ERCC8: variants seen among roughly 807,000 people sequenced by gnomAD.
ERCC8 encodes the protein DNA excision repair protein ERCC-8.
Under a neutral mutation model 54.9 loss-of-function variants are expected in ERCC8, and 52 were observed. The ratio of observed to expected loss-of-function variants is 0.95; its 90% CI spans 0.76 to 1.19. The LOEUF (loss-of-function observed/expected upper bound fraction) is 1.19. Ranked by LOEUF, ERCC8 falls within the 50% of genes most tolerant of loss-of-function variation. The pLI is 0.00. For synonymous variants in ERCC8, 146 were observed against 157.2 expected, an observed-to-expected ratio of 0.93 and a Z score of 0.53; for missense variants, 514 against 466.1, an observed-to-expected ratio of 1.10 and a Z score of -0.95.
chr5:60,882,735 C>T (rs779014777), intron 11 of ERCC8, among the ~76,000 whole-genome samples: 9 of 152,060 alleles, frequency 5.9e-5, no homozygotes, highest in Non-Finnish European at 8.8e-5. Flanking sequence ...TTTCTAGCCA[C>T]GGTACACTTA....
At position 60,928,957 on chromosome 5, in the gene ERCC8, ACT is replaced by A. The variant is rs2112532350; in HGVS notation, c.78_79del (p.Arg26SerfsTer8). On this transcript the variant is annotated frameshift_variant and splice_region_variant, in exon 2 of 12. Coordinates refer to ENST00000676185, the MANE Select transcript of ERCC8 (RefSeq NM_000082.4). LOFTEE classifies it high-confidence loss of function. ...GTCTTTATTTAATTCCAGTCCCAAA[ACT>A]CTTAAAAATAAAAGGGGGAGAAAGA... The A allele has an allele frequency of 6.3e-7, 1 of 1,576,214 alleles. No individual in the cohort carries two copies. The highest frequency in any genetic ancestry group is 1.1e-5 in the South Asian group (1 of 89,382).
chr5:60,940,186 C>T (rs1750215992), intron 1 of ERCC8, among the ~76,000 whole-genome samples: 1 of 152,054 alleles, frequency 6.6e-6, no homozygotes, highest in South Asian at 2.1e-4. Context: ...TACTTCAGTT[C>T]TGGGTAATAC....
chr5:60,871,432 A>G lies in ERCC8; in HGVS notation c.*3183T>C, dbSNP rs1747860811. On this transcript the variant is annotated 3_prime_UTR_variant, in exon 12 of 12. Transcript: ENST00000676185. ...CTGCATAGATATATATAGGATTGCA[A>G]TATGAAAGAACACAGTCTAGGTTAA... 6.6e-6 allele frequency among the ~76,000 whole-genome samples: 1 copy of G among 152,224 alleles called. No individual in the cohort carries two copies. Among genetic ancestry groups the G allele is most frequent in the Admixed American group, 6.5e-5 (1 of 15,284 alleles).
In ERCC8 at chr5:60,894,579, T is replaced by C. The variant is rs546239944; in HGVS notation, c.844-3493A>G. 1.2e-3 allele frequency among the ~76,000 whole-genome samples: 180 copies of C among 151,654 alleles called. 1 individual carries two copies. Among genetic ancestry groups the C allele is most frequent in the African/African-American group, 4.2e-3 (172 of 41,022 alleles). On this transcript the variant is annotated intron_variant, in intron 9 of 11. Transcript: ENST00000676185. Reference sequence around the variant, plus strand: ...AAATTCTTTGCTTGTACTCCAAAGGTGTAGTGTGCAGGCTCAGCAGTGTGA... The same window carrying C: ...AAATTCTTTGCTTGTACTCCAAAGGCGTAGTGTGCAGGCTCAGCAGTGTGA...
chr5:60,884,136 T>C (rs760189458), intron 11 of ERCC8, among the ~76,000 whole-genome samples: 13 of 152,150 alleles, frequency 8.5e-5, no homozygotes, highest in Admixed American at 2.6e-4. Context: ...AGATCATAAG[T>C]AGAATAAATG....
chr5:60,941,653 C>T (rs191137111), intron 1 of ERCC8, among the ~76,000 whole-genome samples: 3 of 152,188 alleles, frequency 2.0e-5, no homozygotes, highest in East Asian at 1.9e-4. Context: ...AAACTAAAGA[C>T]GAAGTCTTCA....
intron 1 of ERCC8, among the ~76,000 whole-genome samples, chr5:60,938,503 G>A (rs897725402): frequency 2.0e-5 from 3 of 152,034 alleles, no homozygotes; most frequent in South Asian, 2.1e-4. Context: ...ACAGGCGTGT[G>A]CCACCACACC....
At chr5:60,898,204 TA>T in intron 9 of ERCC8, 71 bp downstream of exon 9, 1 of 1,484,204 alleles carries the variant, frequency 6.7e-7, no homozygotes, top group Admixed American at 1.7e-5. Flanking sequence ...GTTAAATATA[TA>T]AAAAAATCAA....
rs528616659 is a variant in ERCC8, at chr5:60,885,078, T to C, written c.1122+2362A>G. 5.9e-5 allele frequency among the ~76,000 whole-genome samples: 9 copies of C among 152,156 alleles called. No homozygotes were observed. In the South Asian group the frequency reaches 6.2e-4, roughly 11 times the overall value. On this transcript the variant is annotated intron_variant, in intron 11 of 11. Transcript: ENST00000676185. Reference sequence around the variant, plus strand: ...CCCAGGCTGGAGTATAGTGGTGCAATTGTGGCTCACTGTAGCCTTGAACTC... The same window carrying C: ...CCCAGGCTGGAGTATAGTGGTGCAACTGTGGCTCACTGTAGCCTTGAACTC...
chr5:60,873,842 CAT>C lies in ERCC8; in HGVS notation c.*771_*772del, dbSNP rs1326434621. On this transcript the variant is annotated 3_prime_UTR_variant, in exon 12 of 12. Transcript: ENST00000676185. ...GGGTTGACACAGACGGAGACAATAA[CAT>C]AGAAATTTTATTACAGCATTTCATG... is the stretch of plus-strand genomic sequence containing the variant. 3 of 152,096 alleles carry C rather than the reference CAT, an allele frequency of 2.0e-5. No homozygotes were observed. Among genetic ancestry groups the C allele is most frequent in the East Asian group, 1.9e-4 (1 of 5,196 alleles). 9.4% of individuals were successfully genotyped at this position (152,096 alleles called of 1,614,324 possible).
intron 11 of ERCC8, among the ~76,000 whole-genome samples, chr5:60,878,617 G>A (rs184027537): frequency 8.1e-4 from 123 of 152,244 alleles, no homozygotes; most frequent in Admixed American, 1.4e-3. Flanking sequence ...TATGTGTCCA[G>A]GAATTTATCC....
chr5:60,872,636 C>T lies in ERCC8; in HGVS notation c.*1979G>A, dbSNP rs1747887097. On this transcript the variant is annotated 3_prime_UTR_variant, in exon 12 of 12. Coordinates refer to ENST00000676185, the MANE Select transcript of ERCC8 (RefSeq NM_000082.4). ...CTACTATCAATAACACAAAAGATAA[C>T]AAGTGTTGGCAAGGATGTGAAGAAA... 6.6e-6 allele frequency among the ~76,000 whole-genome samples: 1 copy of T among 151,978 alleles called. No individual in the cohort carries two copies. Among genetic ancestry groups the T allele is most frequent in the South Asian group, 2.1e-4 (1 of 4,816 alleles).
At chr5:60,884,512 T>C (rs1185804114) in intron 11 of ERCC8, among the ~76,000 whole-genome samples, 1 of 125,004 alleles carries the variant, frequency 8.0e-6, no homozygotes, top group Non-Finnish European at 1.6e-5. Flanking sequence ...TGTATGTATA[T>C]GTGTGTATGT....
intron 1 of ERCC8, among the ~76,000 whole-genome samples, chr5:60,932,644 A>T (rs1749941471): frequency 1.3e-5 from 2 of 152,148 alleles, no homozygotes; most frequent in African/African-American, 4.8e-5. Flanking sequence ...CCATGCACCT[A>T]TTCCCTTTGC....
chr5:60,931,350 A>C (rs1749904486), intron 1 of ERCC8, among the ~76,000 whole-genome samples: 1 of 152,196 alleles, frequency 6.6e-6, no homozygotes, highest in African/African-American at 2.4e-5. Flanking sequence ...TCTGTCACCC[A>C]GGCTGGAGTG....
At position 60,886,857 on chromosome 5, in the gene ERCC8, T is replaced by C. The variant is rs530555738; in HGVS notation, c.1122+583A>G. Among the ~76,000 whole-genome samples the C allele has an allele frequency of 6.6e-5, 10 of 152,242 alleles. No individual in the cohort carries two copies. The East Asian group carries it at 1.7e-3, about 26-fold the overall frequency. Reference sequence around the variant, plus strand: ...GAAATATTAACAATTTTTGAACAGATATTTACCTTGATGTTTACAATAATC... The same window carrying C: ...GAAATATTAACAATTTTTGAACAGACATTTACCTTGATGTTTACAATAATC... On this transcript the variant is annotated intron_variant, in intron 11 of 11. Coordinates refer to ENST00000676185, the MANE Select transcript of ERCC8 (RefSeq NM_000082.4).
At chr5:60,892,855 G>A (rs1310308476) in intron 9 of ERCC8, 2 of 693,520 alleles carry the variant, frequency 2.9e-6, no homozygotes, top group Non-Finnish European at 5.3e-6. Context: ...CTGTGCTTCA[G>A]GCTTTTAATC....
chr5:60,917,244 A>T (rs1749462591), intron 4 of ERCC8, among the ~76,000 whole-genome samples: 1 of 152,032 alleles, frequency 6.6e-6, no homozygotes, highest in Non-Finnish European at 1.5e-5. Flanking sequence ...GTAAAAAAAG[A>T]TGTGACCTTA....
Position 60,866,708 on chromosome 5 carries a change from A to G in ERCC8, c.*7907T>C, listed in dbSNP as rs1239759245. 1.3e-5 allele frequency: 2 copies of G among 152,202 alleles called. No individual in the cohort carries two copies. The highest frequency in any genetic ancestry group is 4.8e-5 in the African/African-American group (2 of 41,442). 9.4% of individuals were successfully genotyped at this position (152,202 alleles called of 1,614,324 possible). On this transcript the variant is annotated 3_prime_UTR_variant, in exon 12 of 12. Transcript: ENST00000676185. The stretch of plus-strand genomic sequence containing the variant: ...TGACACTCTACCTCTGCCTTCAATG[A>G]ACTTTAATTATAATTAGTTTAGAAC...
Sources: allele counts gnomAD v4.1 joint callset (sites outside exome capture counted in the v4.1 genomes callset), GRCh38; gene constraint gnomAD v4.1.1; transcripts MANE v1.5; gene names NCBI Gene and HGNC (gene_info 2026-07-23, HGNC 2026-07-21).